Variants in LRRIQ3 observed in about 807,000 individuals in gnomAD.
LRRIQ3 encodes the protein leucine rich repeats and IQ motif containing 3.
LRRIQ3 carries 75 observed loss-of-function variants against 59.3 expected under a neutral mutation model. That is an observed-to-expected ratio of 1.26 (90% CI 1.05 to 1.53). The LOEUF (loss-of-function observed/expected upper bound fraction) is 1.53. Among genes scored for constraint, LRRIQ3 ranks in the 40% most tolerant of loss-of-function variants. LRRIQ3 has a pLI of 0.00. For synonymous variants in LRRIQ3, 250 were observed against 231.3 expected, an observed-to-expected ratio of 1.08 and a Z score of -0.73; for missense variants, 831 against 710.0, an observed-to-expected ratio of 1.17 and a Z score of -1.94.
At chr1:74,181,356 G>A (rs192346745) in intron 3 of LRRIQ3, 1 of 151,956 alleles carries the variant, frequency 6.6e-6, no homozygotes, top group Non-Finnish European at 1.5e-5. Context: ...TATTCATAGA[G>A]CACTTACTAT....
intron 4 of LRRIQ3, among the ~76,000 whole-genome samples, chr1:74,151,359 C>T (rs763288018): frequency 3.9e-4 from 59 of 152,046 alleles, no homozygotes; most frequent in Non-Finnish European, 7.4e-4. Flanking sequence ...CTAATTTCTC[C>T]AGATTCCTTC....
At chr1:74,160,169 A>G (rs1162732685) in intron 3 of LRRIQ3, among the ~76,000 whole-genome samples, 1 of 151,980 alleles carries the variant, frequency 6.6e-6, no homozygotes, top group Non-Finnish European at 1.5e-5. Flanking sequence ...TGCTATTTTA[A>G]TCCCGTTTTT....
chr1:74,101,787 T>G (rs1342691272), intron 5 of LRRIQ3, among the ~76,000 whole-genome samples: 1 of 152,120 alleles, frequency 6.6e-6, no homozygotes, highest in Non-Finnish European at 1.5e-5. Flanking sequence ...GAAACCATCA[T>G]TCTCATCAAA....
chr1:74,183,487 A>G lies in LRRIQ3; in HGVS notation c.198T>C (p.His66=). 3 of 1,609,816 alleles carry G rather than the reference A, an allele frequency of 1.9e-6. No individual in the cohort carries two copies. The highest frequency in any genetic ancestry group is 2.5e-6 in the Non-Finnish European group (3 of 1,177,736). The change falls in exon 2 of 8, where the codon CAT becomes CAC. Residue 66 remains histidine, a synonymous_variant. Transcript: ENST00000354431. The stretch of plus-strand genomic sequence containing the variant: ...TTAATTTTATACAACTTTGAAGTGG[A>G]TGAATATCTGTAATAAAATTGTTTG... The part of the protein sequence containing the change: ...IFSNNFITDI[H]PLQSCIKLIK...
At chr1:74,100,055 A>G (rs527485405) in intron 5 of LRRIQ3, among the ~76,000 whole-genome samples, 36 of 152,288 alleles carry the variant, frequency 2.4e-4, no homozygotes, top group African/African-American at 8.4e-4. Flanking sequence ...AGTTCTGGCC[A>G]GGGCAATCAG....
intron 6 of LRRIQ3, among the ~76,000 whole-genome samples, chr1:74,051,826 T>C (rs1241350003): frequency 6.6e-6 from 1 of 152,138 alleles, no homozygotes; most frequent in Non-Finnish European, 1.5e-5. Context: ...CCTTTTAAAA[T>C]TTGCCTTTTA....
intron 3 of LRRIQ3, among the ~76,000 whole-genome samples, chr1:74,168,144 T>C (rs1418563393): frequency 6.6e-6 from 1 of 152,088 alleles, no homozygotes; most frequent in Non-Finnish European, 1.5e-5. Context: ...CCTAATTTCA[T>C]ATCTAGTTGT....
At chr1:74,107,945 T>C (rs1194217893) in intron 5 of LRRIQ3, among the ~76,000 whole-genome samples, 2 of 151,708 alleles carry the variant, frequency 1.3e-5, no homozygotes, top group Non-Finnish European at 3.0e-5. Flanking sequence ...TTCTTTATAA[T>C]AAATTTATCT....
At chr1:74,046,813 A>C (rs1654217913) in intron 6 of LRRIQ3, among the ~76,000 whole-genome samples, 3 of 152,244 alleles carry the variant, frequency 2.0e-5, no homozygotes, top group Admixed American at 2.0e-4. Context: ...ATTTCTCAAA[A>C]GAAGGCATTT....
At chr1:74,031,275 G>A (rs1462099475) in intron 7 of LRRIQ3, among the ~76,000 whole-genome samples, 1 of 152,072 alleles carries the variant, frequency 6.6e-6, no homozygotes, top group Non-Finnish European at 1.5e-5. Context: ...TATACCCAAA[G>A]GATTATAAAT....
chr1:74,154,279 A>AAAAAG (rs1648187710), intron 4 of LRRIQ3, among the ~76,000 whole-genome samples: 2 of 132,484 alleles, frequency 1.5e-5, no homozygotes, highest in African/African-American at 5.8e-5. Flanking sequence ...AAAAAAAAAA[A>AAAAAG]TGTAATATCT....
At chr1:74,147,580 G>A (rs1647657937) in intron 4 of LRRIQ3, among the ~76,000 whole-genome samples, 1 of 152,104 alleles carries the variant, frequency 6.6e-6, no homozygotes, top group Non-Finnish European at 1.5e-5. Context: ...AAGTGAAAGT[G>A]TCAGAAATAT....
At position 74,133,304 on chromosome 1, in the gene LRRIQ3, C is replaced by A. The variant is rs552007837; in HGVS notation, c.707+22429G>T. Reference sequence around the variant, plus strand: ...TCAACCATTGTGGAAGACGGTGTAGCGATTCCTCAGGGATCTAGAACTAGA... The same window carrying A: ...TCAACCATTGTGGAAGACGGTGTAGAGATTCCTCAGGGATCTAGAACTAGA... On this transcript the variant is annotated intron_variant, in intron 4 of 7. Coordinates refer to ENST00000354431, the MANE Select transcript of LRRIQ3 (RefSeq NM_001105659.2). 2.6e-5 allele frequency among the ~76,000 whole-genome samples: 4 copies of A among 152,246 alleles called. No individual in the cohort carries two copies. In the East Asian group the frequency reaches 7.7e-4, roughly 29 times the overall value.
At chr1:74,072,794 G>A (rs1655064096) in intron 6 of LRRIQ3, among the ~76,000 whole-genome samples, 2 of 152,050 alleles carry the variant, frequency 1.3e-5, no homozygotes, top group Non-Finnish European at 2.9e-5. Context: ...TTAGAAGGCA[G>A]GAGTAATATC....
At chr1:74,143,266 C>T (rs1402966049) in intron 4 of LRRIQ3, among the ~76,000 whole-genome samples, 1 of 151,872 alleles carries the variant, frequency 6.6e-6, no homozygotes, top group African/African-American at 2.4e-5. Context: ...TTTACCCAGT[C>T]ATAAAATGTT....
chr1:74,075,615 T>C (rs928850733), intron 5 of LRRIQ3, among the ~76,000 whole-genome samples: 2 of 151,504 alleles, frequency 1.3e-5, no homozygotes, highest in African/African-American at 4.8e-5. Context: ...CAGCTATGTG[T>C]GGGAAGAGTA....
At chr1:74,097,081 A>G (rs577544306) in intron 5 of LRRIQ3, among the ~76,000 whole-genome samples, 1 of 152,136 alleles carries the variant, frequency 6.6e-6, no homozygotes, top group Non-Finnish European at 1.5e-5. Context: ...AAGCTGTCAG[A>G]CAGGGACATT....
At chr1:74,122,115 C>T (rs11210420) in intron 4 of LRRIQ3, among the ~76,000 whole-genome samples, 31 of 151,922 alleles carry the variant, frequency 2.0e-4, no homozygotes, top group East Asian at 3.9e-4. Context: ...GGGATGGCTG[C>T]GTCAAATGGT....
intron 4 of LRRIQ3, among the ~76,000 whole-genome samples, chr1:74,121,106 TC>T (rs1363612090): frequency 1.3e-5 from 2 of 152,136 alleles, no homozygotes; most frequent in African/African-American, 4.8e-5. Flanking sequence ...AATATTATAG[TC>T]TTGTTCATTA....
Sources: gnomAD v4.1 joint callset for allele counts (sites outside exome capture counted in the v4.1 genomes callset) on GRCh38, gnomAD v4.1.1 for gene constraint, MANE v1.5 for transcripts, NCBI Gene and HGNC (gene_info 2026-07-23, HGNC 2026-07-21) for gene names.